The following LARS2 variants were observed in gnomAD, a reference collection of about 807,000 sequenced individuals.
LARS2 encodes leucyl-tRNA synthetase 2, mitochondrial, also known as leucine--tRNA ligase, mitochondrial.
LARS2 carries 81 observed loss-of-function variants against 116.6 expected under a neutral mutation model. That is an observed-to-expected ratio of 0.69 (90% confidence interval 0.58 to 0.84). The LOEUF (loss-of-function observed/expected upper bound fraction) is 0.84. LARS2 is among the 40% of genes least tolerant of loss of function. The probability of loss-of-function intolerance (pLI) is 0.00; values close to 1 mark genes in which losing one functional copy is unlikely to be tolerated. For missense variants in LARS2, 968 were observed against 1,114.5 expected, an observed-to-expected ratio of 0.87 and a Z score of 1.87; for synonymous variants, 396 against 407.2, an observed-to-expected ratio of 0.97 and a Z score of 0.33.
At chr3:45,533,872 T>C (rs1250355684) in intron 20 of LARS2, among the ~76,000 whole-genome samples, 1 of 152,174 alleles carries the variant, frequency 6.6e-6, no homozygotes, top group Non-Finnish European at 1.5e-5. Context: ...ACCGTGATTT[T>C]TCTACACGTC....
chr3:45,419,694 C>T lies in LARS2; in HGVS notation c.481C>T (p.Leu161Phe). Reference sequence around the variant, plus strand: ...TAATATTAAACACATGAGGAAACAGCTTGATCGTCTGGGCCTGTGTTTCAG... The same window carrying T: ...TAATATTAAACACATGAGGAAACAGTTTGATCGTCTGGGCCTGTGTTTCAG... Reference protein sequence around the residue: ...QSNIKHMRKQLDRLGLCFSWD... With the variant: ...QSNIKHMRKQFDRLGLCFSWD... The change falls in exon 6 of 22, where the codon CTT becomes TTT. Residue 161 changes from leucine to phenylalanine, a missense_variant. Physicochemically the swap from Leu to Phe is conservative, Grantham distance 22. Transcript: ENST00000645846. 1 of 1,613,954 alleles carries T rather than the reference C, an allele frequency of 6.2e-7. No individual in the cohort carries two copies. Among genetic ancestry groups the T allele is most frequent in the Non-Finnish European group, 8.5e-7 (1 of 1,179,862 alleles).
intron 13 of LARS2, among the ~76,000 whole-genome samples, chr3:45,493,658 T>C (rs754576658): frequency 6.6e-6 from 1 of 152,198 alleles, no homozygotes; most frequent in Non-Finnish European, 1.5e-5. Flanking sequence ...CTGCGGTACT[T>C]GGCTCAGTTC....
At chr3:45,445,326 T>C (rs75659077) in intron 6 of LARS2, among the ~76,000 whole-genome samples, 3,253 of 152,308 alleles carry the variant, frequency 0.021, 79 homozygotes, top group African/African-American at 0.07. Context: ...ATTTCTTGTC[T>C]AGAAAACTGA....
rs144344691 is a variant in LARS2, at chr3:45,459,496, C to G, written c.750+610C>G. 7.2e-5 allele frequency among the ~76,000 whole-genome samples: 11 copies of G among 152,334 alleles called. No individual in the cohort carries two copies. The East Asian group carries it at 1.9e-3, about 27-fold the overall frequency. ...AAACTGGTTCTTGGGCCTTAGTTTT[C>G]TCATCAATACAATGAGCAGGTTGGA... is the stretch of plus-strand genomic sequence containing the variant. On this transcript the variant is annotated intron_variant, in intron 8 of 21. Transcript: ENST00000645846.
chr3:45,491,201 C>A (rs1017190509), intron 12 of LARS2, among the ~76,000 whole-genome samples: 12 of 152,074 alleles, frequency 7.9e-5, no homozygotes, highest in African/African-American at 2.9e-4. Context: ...GCCTAGGGCC[C>A]ACAATACTTT....
At chr3:45,428,806 T>A (rs1006912806) in intron 6 of LARS2, among the ~76,000 whole-genome samples, 3 of 152,188 alleles carry the variant, frequency 2.0e-5, no homozygotes, top group Admixed American at 6.5e-5. Flanking sequence ...TTCATATACC[T>A]TTCACCTAGA....
At chr3:45,394,057 C>T (rs1432556197) in intron 2 of LARS2, among the ~76,000 whole-genome samples, 1 of 152,176 alleles carries the variant, frequency 6.6e-6, no homozygotes, top group African/African-American at 2.4e-5. Context: ...TGCTTGAGCT[C>T]TTCTGAGGCT....
At chr3:45,536,601 T>A (rs1381961944) in intron 20 of LARS2, among the ~76,000 whole-genome samples, 1 of 152,264 alleles carries the variant, frequency 6.6e-6, no homozygotes, top group Non-Finnish European at 1.5e-5. Flanking sequence ...CACTTCTGTA[T>A]GTGCCCAGCT....
chr3:45,393,109 A>C (rs771187317), intron 2 of LARS2, among the ~76,000 whole-genome samples: 22 of 152,258 alleles, frequency 1.4e-4, no homozygotes, highest in Non-Finnish European at 2.8e-4. Flanking sequence ...ACGAAACATT[A>C]AAATTGGATT....
intron 6 of LARS2, chr3:45,421,248 G>C (rs2125688824): frequency 6.6e-6 from 1 of 152,220 alleles, no homozygotes; most frequent in East Asian, 1.9e-4. Flanking sequence ...TTATTTCACT[G>C]TAAAACCTGA....
chr3:45,425,922 CTTTTT>C (rs200594189), intron 6 of LARS2, among the ~76,000 whole-genome samples: 1 of 99,948 alleles, frequency 1.0e-5, no homozygotes, highest in Non-Finnish European at 2.2e-5. Flanking sequence ...CTTTTCTTTT[CTTTTT>C]TTTTTTAATA....
At chr3:45,435,418 C>T (rs1300192156) in intron 6 of LARS2, among the ~76,000 whole-genome samples, 1 of 152,224 alleles carries the variant, frequency 6.6e-6, no homozygotes, top group African/African-American at 2.4e-5. Flanking sequence ...GGGTATAAGT[C>T]TAGGCTCTTC....
chr3:45,403,614 A>C (rs1490621858), intron 4 of LARS2, among the ~76,000 whole-genome samples: 6 of 152,190 alleles, frequency 3.9e-5, no homozygotes, highest in African/African-American at 1.4e-4. Flanking sequence ...GATAGGGTGC[A>C]GGGAAGCCTG....
intron 4 of LARS2, among the ~76,000 whole-genome samples, chr3:45,408,474 C>T (rs1040671077): frequency 2.0e-5 from 3 of 152,250 alleles, no homozygotes; most frequent in African/African-American, 7.2e-5. Flanking sequence ...TTAGATCCAT[C>T]CCTTGCTTTT....
intron 15 of LARS2, among the ~76,000 whole-genome samples, chr3:45,510,354 C>T (rs935338745): frequency 1.3e-5 from 2 of 152,004 alleles, no homozygotes; most frequent in Non-Finnish European, 2.9e-5. Flanking sequence ...ACTGAGGCTG[C>T]AGTGAGCTGT....
chr3:45,407,983 C>T (rs1336903540), intron 4 of LARS2, among the ~76,000 whole-genome samples: 1 of 152,168 alleles, frequency 6.6e-6, no homozygotes, highest in Non-Finnish European at 1.5e-5. Flanking sequence ...TAAAATTGTA[C>T]ATGAATTCCC....
Position 45,394,644 on chromosome 3 carries a change from A to C in LARS2, c.191A>C (p.His64Pro), listed in dbSNP as rs1278002430. 1.2e-6 allele frequency: 2 copies of C among 1,614,218 alleles called. No individual in the cohort carries two copies. The highest frequency in any genetic ancestry group is 1.7e-6 in the Non-Finnish European group (2 of 1,180,022). ...QTRKDVEKWW[H>P]QRIKEQASKI... ...AGAAAGGATGTTGAGAAATGGTGGC[A>C]TCAACGAATAAAAGAACAGGCCTCC... is the stretch of plus-strand genomic sequence containing the variant. Residue 64 changes from histidine to proline, a missense_variant, in exon 3 of 22, where the codon CAT becomes CCT. Transcript: ENST00000645846.
At chr3:45,430,583 CTT>C (rs35964512) in intron 6 of LARS2, among the ~76,000 whole-genome samples, 62,700 of 90,332 alleles carry the variant, frequency 0.69, 21,120 homozygotes, top group East Asian at 0.95. Flanking sequence ...CCCGGCCAAT[CTT>C]TTTTTTTTTT....
intron 6 of LARS2, among the ~76,000 whole-genome samples, chr3:45,440,117 C>T (rs979990070): frequency 4.6e-5 from 7 of 152,164 alleles, no homozygotes; most frequent in Non-Finnish European, 1.0e-4. Context: ...CTCCCTCTTC[C>T]AACGCCGCAG....
Sources: gnomAD v4.1 joint callset for allele counts (sites outside exome capture counted in the v4.1 genomes callset) on GRCh38, gnomAD v4.1.1 for gene constraint, MANE v1.5 for transcripts, NCBI Gene and HGNC (gene_info 2026-07-23, HGNC 2026-07-21) for gene names.